The following SLC1A4 variants were observed in gnomAD, a reference collection of about 807,000 sequenced individuals.
SLC1A4 encodes the protein neutral amino acid transporter A.
A neutral mutation model predicts 37.7 loss-of-function variants in SLC1A4; 19 were observed. The observed-to-expected ratio is 0.50, with a 90% CI of 0.35 to 0.74. The LOEUF (loss-of-function observed/expected upper bound fraction) is 0.74, where lower values mean the gene tolerates loss of function less well. Ranked by LOEUF, SLC1A4 falls within the 30% of genes least tolerant of loss-of-function variation. The probability of loss-of-function intolerance (pLI) is 0.01; values close to 1 mark genes in which losing one functional copy is unlikely to be tolerated. For missense variants in SLC1A4, 570 were observed against 712.9 expected (o/e 0.80, Z 2.28); for synonymous variants, 299 against 309.8 (o/e 0.97, Z 0.37).
At chr2:65,004,101 G>A (rs567824684) in intron 3 of SLC1A4, 86 bp downstream of exon 3, 4 of 1,197,818 alleles carry the variant, frequency 3.3e-6, no homozygotes, top group East Asian at 2.5e-5. Context: ...GACGTGGGCT[G>A]AAAACTTTGA....
rs78583503 is a variant in SLC1A4 at position 65,003,888 on chromosome 2, T to C, written c.571-65T>C. On this transcript the variant is annotated intron_variant, in intron 2 of 7. Transcript: ENST00000234256. ...AGTACCAAGAGTGCAGCAGTGCCCT[T>C]GGTTCCTCTAGGTCGGTCTTCACCT... 2.6e-3 allele frequency: 3,191 copies of C among 1,226,352 alleles called. 66 individuals are homozygous for C. The African/African-American group carries it at 0.041, about 16-fold the overall frequency. The allele number at this position is 1,226,352 out of a possible 1,614,324, so 76.0% of individuals were successfully genotyped here. A position where few individuals can be genotyped will look rare whatever the true frequency, so the allele number is the denominator to read the frequency against.
Position 65,023,025 on chromosome 2 carries a change from GAC to G in SLC1A4, c.*1883_*1884del, listed in dbSNP as rs1373193076. On this transcript the variant is annotated 3_prime_UTR_variant, in exon 8 of 8. Transcript: ENST00000234256. Reference sequence around the variant, plus strand: ...CAGAAAGGGTGAAGAAGAGCCATGGGACACAGAGTTGACCCAGCCAGGGGGAA... The same window carrying G: ...CAGAAAGGGTGAAGAAGAGCCATGGGACAGAGTTGACCCAGCCAGGGGGAA... The G allele has an allele frequency of 6.6e-6, 1 of 152,222 alleles. No individual in the cohort carries two copies. The highest frequency in any genetic ancestry group is 1.5e-5 in the Non-Finnish European group (1 of 68,086). 9.4% of individuals were successfully genotyped at this position (152,222 alleles called of 1,614,324 possible). A position where few individuals can be genotyped will look rare whatever the true frequency, so the allele number is the denominator to read the frequency against.
In SLC1A4 at chr2:64,989,542, C is replaced by T. The variant is rs1210303171; in HGVS notation, c.-102C>T. The T allele has an allele frequency of 1.7e-6, 2 of 1,149,006 alleles. No individual in the cohort carries two copies. Among genetic ancestry groups the T allele is most frequent in the South Asian group, 2.5e-5 (1 of 40,150 alleles). 71.2% of individuals were successfully genotyped at this position (1,149,006 alleles called of 1,614,324 possible). On this transcript the variant is annotated 5_prime_UTR_variant, in exon 1 of 8. Coordinates refer to ENST00000234256, the MANE Select transcript of SLC1A4 (RefSeq NM_003038.5). ...GACCCCCGGGGCGGCTTCCCAGAACCTGCGGAGCACAACTGGCCGACCGAC... is the reference window on the plus strand; with the variant it reads ...GACCCCCGGGGCGGCTTCCCAGAACTTGCGGAGCACAACTGGCCGACCGAC...
chr2:65,021,033 G>A lies in SLC1A4; in HGVS notation c.1486G>A (p.Ala496Thr). The A allele has an allele frequency of 1.2e-6, 2 of 1,614,248 alleles. No individual in the cohort carries two copies. The highest frequency in any genetic ancestry group is 1.7e-6 in the Non-Finnish European group (2 of 1,180,034). ...EQELAEVKVE[A>T]IPNCKSEEET... ...GGAACTTGCTGAGGTGAAAGTGGAAGCCATCCCCAACTGCAAGTCTGAGGA... is the reference window on the plus strand; with the variant it reads ...GGAACTTGCTGAGGTGAAAGTGGAAACCATCCCCAACTGCAAGTCTGAGGA... The change falls in exon 8 of 8, where the codon GCC (alanine) becomes ACC (threonine). Residue 496 changes from alanine to threonine, a missense_variant. Physicochemically the swap from Ala to Thr is moderately conservative, Grantham distance 58. Transcript: ENST00000234256.
In SLC1A4 at chr2:65,016,557, T is replaced by A; in HGVS notation, c.918T>A (p.Val306=). 6 of 1,614,106 alleles carry A rather than the reference T, an allele frequency of 3.7e-6. No individual in the cohort carries two copies. The highest frequency in any genetic ancestry group is 5.1e-6 in the Non-Finnish European group (6 of 1,179,908). ...KYIFASILGH[V]IHGGIVLPLI... is the part of the protein sequence containing the mutation. The stretch of plus-strand genomic sequence containing the variant: ...TCTTCGCATCTATATTGGGCCATGT[T>A]ATTCATGGAGGAATTGTTCTGCCAC... Residue 306 remains valine (V), a synonymous_variant, in exon 5 of 8, where the codon GTT becomes GTA. Coordinates refer to ENST00000234256, the MANE Select transcript of SLC1A4 (RefSeq NM_003038.5).
chr2:65,018,292 C>CA lies in SLC1A4; in HGVS notation c.1229+31dup. The CA allele has an allele frequency of 2.5e-6, 4 of 1,599,650 alleles. No individual in the cohort carries two copies. The highest frequency in any genetic ancestry group is 3.4e-6 in the Non-Finnish European group (4 of 1,169,358). ...TAAGTTCCTCATTCTTTCCCTGGCTCAAAACTGAAGGCTTTTCTTGTGATT... is the reference window on the plus strand; with the variant it reads ...TAAGTTCCTCATTCTTTCCCTGGCTCAAAAACTGAAGGCTTTTCTTGTGATT... On this transcript the variant is annotated intron_variant, in intron 6 of 7. Transcript: ENST00000234256. This position sits in a 1 kb window ranked among gnomAD's most constrained non-coding sequence, Gnocchi z 4.3.
intron 3 of SLC1A4, 93 bp downstream of exon 3, chr2:65,004,108 TTG>T (rs1673584255): frequency 8.9e-7 from 1 of 1,124,428 alleles, no homozygotes; most frequent in African/African-American, 1.6e-5. Context: ...GCTGAAAACT[TTG>T]AGGTTTGAAT....
At position 65,018,925 on chromosome 2, in the gene SLC1A4, A is replaced by G. The variant is rs1558529227; in HGVS notation, c.1364+246A>G. Among the ~76,000 whole-genome samples the G allele has an allele frequency of 6.6e-6, 1 of 152,376 alleles. No homozygotes were observed. The highest frequency in any genetic ancestry group is 1.9e-4 in the East Asian group (1 of 5,194). ...TACCAAGAACTTGCTTATAGCATCC[A>G]GTAAAGCAGGGGTCCACAGCTGAGG... On this transcript the variant is annotated intron_variant, in intron 7 of 7. Transcript: ENST00000234256. This position sits in a 1 kb window ranked among gnomAD's most constrained non-coding sequence, Gnocchi z 4.3.
chr2:64,994,411 C>T (rs994721619), intron 1 of SLC1A4, among the ~76,000 whole-genome samples: 2 of 152,244 alleles, frequency 1.3e-5, no homozygotes, highest in South Asian at 4.1e-4. Context: ...AGCCTAGGCC[C>T]AGGGCTCTGG....
chr2:65,008,487 T>G (rs1476712824), intron 3 of SLC1A4, among the ~76,000 whole-genome samples: 3 of 152,010 alleles, frequency 2.0e-5, no homozygotes, highest in Non-Finnish European at 2.9e-5. Flanking sequence ...AATAAATAAA[T>G]AAACCTAGCC....
Position 64,989,806 on chromosome 2 carries a change from G to C in SLC1A4, c.163G>C (p.Gly55Arg). The C allele has an allele frequency of 6.6e-7, 1 of 1,524,866 alleles. No individual in the cohort carries two copies. The highest frequency in any genetic ancestry group is 8.8e-7 in the Non-Finnish European group (1 of 1,139,938). 94.5% of individuals were successfully genotyped at this position (1,524,866 alleles called of 1,614,324 possible). A position where few individuals can be genotyped will look rare whatever the true frequency, so the allele number is the denominator to read the frequency against. The change falls in exon 1 of 8, where the codon GGC becomes CGC. Residue 55 changes from glycine (G) to arginine (R), a missense_variant. Coordinates refer to ENST00000234256, the MANE Select transcript of SLC1A4 (RefSeq NM_003038.5). ...GCTCACCGTGTCCGGGGTGCTGGCG[G>C]GCGCGGGCCTGGGCGCGGCGTTGCG... ...VLLTVSGVLA[G>R]AGLGAALRGL...
intron 4 of SLC1A4, among the ~76,000 whole-genome samples, chr2:65,014,977 T>TA (rs1288708175): frequency 6.6e-6 from 1 of 152,212 alleles, no homozygotes; most frequent in East Asian, 1.9e-4. Context: ...GATAGAGACA[T>TA]ACAACAGAAT....
chr2:65,003,929 GTT>G (rs35470885), intron 2 of SLC1A4, 22 bp from the exon 3 acceptor site: 2 of 1,596,302 alleles, frequency 1.3e-6, no homozygotes, highest in Non-Finnish European at 1.7e-6. Flanking sequence ...CTAACAGTGG[GTT>G]TTTTTTTCCT....
intron 4 of SLC1A4, among the ~76,000 whole-genome samples, chr2:65,012,909 A>T (rs996836424): frequency 6.6e-6 from 1 of 152,208 alleles, no homozygotes; most frequent in Non-Finnish European, 1.5e-5. Flanking sequence ...TTTAAAAGTA[A>T]AAAAACTGAT....
In SLC1A4 at chr2:64,989,915, T is replaced by C. The variant is rs1037527372; in HGVS notation, c.272T>C (p.Leu91Pro). 6 of 1,560,360 alleles carry C rather than the reference T, an allele frequency of 3.8e-6. No individual in the cohort carries two copies. The highest frequency in any genetic ancestry group is 1.9e-5 in the Admixed American group (1 of 53,292). Residue 91 changes from leucine (L) to proline (P), a missense_variant, in exon 1 of 8, where the codon CTG (leucine) becomes CCG (proline). Coordinates refer to ENST00000234256, the MANE Select transcript of SLC1A4 (RefSeq NM_003038.5). ...MLLRMLRMIILPLVVCSLVSG... is the reference protein window; with the variant it reads ...MLLRMLRMIIPPLVVCSLVSG... ...CTCCGCATGCTGCGCATGATCATCC[T>C]GCCGCTGGTGGTCTGCAGCCTGGTG...
At position 65,010,222 on chromosome 2, in the gene SLC1A4, G is replaced by A. The variant is rs1247965342; in HGVS notation, c.634-375G>A. ...GCTGGGATTACAGGTGTGAGCCACC[G>A]CGACCAGCCTGAAGGAACTTTTGAC... is the stretch of plus-strand genomic sequence containing the variant. On this transcript the variant is annotated intron_variant, in intron 3 of 7. Coordinates refer to ENST00000234256, the MANE Select transcript of SLC1A4 (RefSeq NM_003038.5). Among the ~76,000 whole-genome samples the A allele has an allele frequency of 2.0e-5, 3 of 152,234 alleles. No individual in the cohort carries two copies. In the South Asian group the frequency reaches 6.2e-4, roughly 32 times the overall value.
chr2:64,993,662 C>A (rs929271176), intron 1 of SLC1A4, among the ~76,000 whole-genome samples: 1 of 152,178 alleles, frequency 6.6e-6, no homozygotes, highest in Non-Finnish European at 1.5e-5. Context: ...ACCAAAGAGA[C>A]AGAAACAGGT....
rs1672976653 is a variant in SLC1A4 at position 64,989,834 on chromosome 2, G to A, written c.191G>A (p.Gly64Glu). The A allele has an allele frequency of 1.3e-6, 2 of 1,537,398 alleles. No individual in the cohort carries two copies. Among genetic ancestry groups the A allele is most frequent in the East Asian group, 4.9e-5 (2 of 40,848 alleles). ...GCGGGCCTGGGCGCGGCGTTGCGCG[G>A]GCTCAGCCTGAGCCGCACGCAGGTC... ...AGAGLGAALR[G>E]LSLSRTQVTY... The change falls in exon 1 of 8, where the codon GGG (glycine) becomes GAG (glutamate). Residue 64 changes from glycine to glutamate, a missense_variant. Gly to Glu is a moderately conservative substitution (Grantham distance 98, BLOSUM62 -2). Transcript: ENST00000234256.
intron 1 of SLC1A4, among the ~76,000 whole-genome samples, chr2:64,991,525 T>C (rs1434810185): frequency 6.6e-6 from 1 of 151,566 alleles, no homozygotes; most frequent in African/African-American, 2.4e-5. Context: ...ACTCCTAGGC[T>C]TCAGCGATCC....
Sources: gnomAD v4.1 joint callset for allele counts (sites outside exome capture counted in the v4.1 genomes callset) on GRCh38, gnomAD v4.1.1 for gene constraint, Gnocchi (gnomAD v3.1) non-coding constraint, MANE v1.5 for transcripts, NCBI Gene and HGNC (gene_info 2026-07-23, HGNC 2026-07-21) for gene names.